Variants in ASAP2 observed in about 807,000 individuals in gnomAD.
ASAP2 encodes the protein arf-GAP with SH3 domain, ANK repeat and PH domain-containing protein 2.
A neutral mutation model predicts 131.4 loss-of-function variants in ASAP2; 45 were observed. The observed-to-expected ratio is 0.34, with a 90% CI of 0.27 to 0.44. The LOEUF (loss-of-function observed/expected upper bound fraction) is 0.44. Among genes scored for constraint, ASAP2 ranks in the 20% least tolerant of loss-of-function variants. The pLI, the probability that ASAP2 is intolerant of heterozygous loss-of-function variation, is 1.00. For synonymous variants in ASAP2, 510 were observed against 503.0 expected (o/e 1.01, Z -0.19); for missense variants, 1,011 against 1,297.0 (o/e 0.78, Z 3.39).
At chr2:9,228,836 A>G (rs983258300) in intron 1 of ASAP2, among the ~76,000 whole-genome samples, 1 of 152,210 alleles carries the variant, frequency 6.6e-6, no homozygotes, top group Non-Finnish European at 1.5e-5. Context: ...AAATAATGCT[A>G]TATAACTGAA....
chr2:9,366,395 A>T (rs754398309), intron 15 of ASAP2, among the ~76,000 whole-genome samples: 33 of 152,262 alleles, frequency 2.2e-4, no homozygotes, highest in Admixed American at 3.9e-4. Context: ...AGAGGGGGCC[A>T]CAGTGATTTT....
chr2:9,401,237 G>A (rs372896780), intron 26 of ASAP2, 37 bp from the exon 27 acceptor site: 16 of 1,611,168 alleles, frequency 9.9e-6, no homozygotes, highest in East Asian at 2.2e-5. Flanking sequence ...GCTGAGGCCT[G>A]CAGCCACACT....
At chr2:9,386,880 G>A (rs773773478) in intron 21 of ASAP2, among the ~76,000 whole-genome samples, 3 of 152,222 alleles carry the variant, frequency 2.0e-5, no homozygotes, top group Non-Finnish European at 4.4e-5. Context: ...TAAGTTACCT[G>A]AGTCATCATT....
chr2:9,315,694 C>T (rs1026386450), intron 3 of ASAP2, among the ~76,000 whole-genome samples: 1 of 152,164 alleles, frequency 6.6e-6, no homozygotes, highest in Non-Finnish European at 1.5e-5. Flanking sequence ...GGCGTGCTTG[C>T]TGTCGTAGGT....
In ASAP2 at chr2:9,213,853, G is replaced by T. The variant is rs12623912; in HGVS notation, c.126+6623G>T. On this transcript the variant is annotated intron_variant, in intron 1 of 27. Coordinates refer to ENST00000281419, the MANE Select transcript of ASAP2 (RefSeq NM_003887.3). The stretch of plus-strand genomic sequence containing the variant: ...CTACTTAGTGTCAGAATCCAGGCCA[G>T]CTCTGTGCTGCTTGATGTGACTGGT... Among the ~76,000 whole-genome samples the T allele has an allele frequency of 2.4e-4, 37 of 152,324 alleles. No individual in the cohort carries two copies. The East Asian group carries it at 7.0e-3, about 29-fold the overall frequency.
intron 2 of ASAP2, among the ~76,000 whole-genome samples, chr2:9,285,927 A>G (rs1203792011): frequency 6.6e-6 from 1 of 152,246 alleles, no homozygotes; most frequent in African/African-American, 2.4e-5. Context: ...ATGAGAATAC[A>G]ACAACTTTGT....
intron 6 of ASAP2, among the ~76,000 whole-genome samples, chr2:9,325,583 T>C (rs929918209): frequency 1.3e-5 from 2 of 152,214 alleles, no homozygotes; most frequent in African/African-American, 4.8e-5. Flanking sequence ...ATTCAAGTAG[T>C]ATGTGAAGGT....
At chr2:9,231,336 G>A (rs954269340) in intron 1 of ASAP2, among the ~76,000 whole-genome samples, 4 of 152,172 alleles carry the variant, frequency 2.6e-5, no homozygotes, top group African/African-American at 4.8e-5. Flanking sequence ...TCTGACCTCA[G>A]CCAGGAGGAA....
intron 1 of ASAP2, among the ~76,000 whole-genome samples, chr2:9,213,747 G>T (rs920793652): frequency 3.9e-5 from 6 of 152,122 alleles, no homozygotes; most frequent in African/African-American, 1.2e-4. Flanking sequence ...CCCCAAACAG[G>T]GCAACAGCCA....
At chr2:9,219,353 C>T (rs115756803) in intron 1 of ASAP2, among the ~76,000 whole-genome samples, 202 of 152,248 alleles carry the variant, frequency 1.3e-3, no homozygotes, top group African/African-American at 4.1e-3. Context: ...GTTAGGAGAG[C>T]GGGATTGGAG....
At chr2:9,253,462 C>G (rs1664868388) in intron 1 of ASAP2, among the ~76,000 whole-genome samples, 1 of 152,160 alleles carries the variant, frequency 6.6e-6, no homozygotes, top group African/African-American at 2.4e-5. Context: ...CTGTGCCCGG[C>G]CAAAATTCAC....
intron 1 of ASAP2, among the ~76,000 whole-genome samples, chr2:9,240,146 G>A (rs1277373229): frequency 6.6e-6 from 1 of 151,636 alleles, no homozygotes; most frequent in Non-Finnish European, 1.5e-5. Context: ...TGGGGGGTAT[G>A]TTCCAAGACC....
chr2:9,230,236 A>C (rs908371331), intron 1 of ASAP2, among the ~76,000 whole-genome samples: 2 of 152,194 alleles, frequency 1.3e-5, no homozygotes, highest in African/African-American at 4.8e-5. Flanking sequence ...TGCTATTGGC[A>C]ACACCAAATC....
At chr2:9,228,033 G>C (rs1662901121) in intron 1 of ASAP2, among the ~76,000 whole-genome samples, 1 of 152,224 alleles carries the variant, frequency 6.6e-6, no homozygotes, top group South Asian at 2.1e-4. Flanking sequence ...CGAGATCGGA[G>C]AGGATAGTCT....
chr2:9,313,206 G>A (rs989037610), intron 3 of ASAP2, among the ~76,000 whole-genome samples: 1 of 152,218 alleles, frequency 6.6e-6, no homozygotes, highest in Non-Finnish European at 1.5e-5. Flanking sequence ...CTGCATGTCC[G>A]TGGAGTGTTC....
At chr2:9,229,366 C>T (rs1248859283) in intron 1 of ASAP2, among the ~76,000 whole-genome samples, 1 of 152,166 alleles carries the variant, frequency 6.6e-6, no homozygotes, top group Non-Finnish European at 1.5e-5. Flanking sequence ...TGTCTTCACC[C>T]TTTGACCTCA....
chr2:9,208,173 T>A lies in ASAP2; in HGVS notation c.126+943T>A, dbSNP rs1360242757. 2.6e-5 allele frequency among the ~76,000 whole-genome samples: 4 copies of A among 152,324 alleles called. No homozygotes were observed. The East Asian group carries it at 7.7e-4, about 29-fold the overall frequency. ...ATGCATCCTTTCCAGGATCAGAGAC[T>A]GTGTGAAGTGCTTAGCACTCTGCTC... On this transcript the variant is annotated intron_variant, in intron 1 of 27. Coordinates refer to ENST00000281419, the MANE Select transcript of ASAP2 (RefSeq NM_003887.3).
intron 9 of ASAP2, among the ~76,000 whole-genome samples, chr2:9,340,524 C>T (rs947373109): frequency 1.3e-5 from 2 of 152,208 alleles, no homozygotes; most frequent in Admixed American, 6.5e-5. Flanking sequence ...TGGCTCAGTG[C>T]TTGGCTCAGC....
In ASAP2 at chr2:9,232,353, C is replaced by T. The variant is rs1663230692; in HGVS notation, c.126+25123C>T. On this transcript the variant is annotated intron_variant, in intron 1 of 27. Transcript: ENST00000281419. This position sits in a 1 kb window ranked among gnomAD's most constrained non-coding sequence, Gnocchi z 4.1. ...CTGTTCTGTGAAGTTCAGCCCAGTG[C>T]CCCTTCCTTGGAGGCCACATTAGAG... 1.3e-5 allele frequency among the ~76,000 whole-genome samples: 2 copies of T among 152,228 alleles called. No homozygotes were observed. Among genetic ancestry groups the T allele is most frequent in the African/African-American group, 2.4e-5 (1 of 41,452 alleles).
Sources: allele counts gnomAD v4.1 joint callset (sites outside exome capture counted in the v4.1 genomes callset), GRCh38; gene constraint gnomAD v4.1.1; non-coding constraint Gnocchi (gnomAD v3.1); transcripts MANE v1.5; gene names NCBI Gene and HGNC (gene_info 2026-07-23, HGNC 2026-07-21).